Variants in ESRRG observed in about 807,000 individuals in gnomAD.
ESRRG encodes estrogen-related receptor gamma.
Under a neutral mutation model 44.0 loss-of-function variants are expected in ESRRG, and 13 were observed. The observed-to-expected ratio is 0.30, with a 90% CI of 0.19 to 0.47. The LOEUF is 0.47. ESRRG is among the 20% of genes least tolerant of loss of function. ESRRG has a pLI of 1.00. For synonymous variants in ESRRG, 215 were observed against 214.6 expected, an observed-to-expected ratio of 1.00 and a Z score of -0.02; for missense variants, 395 against 580.6, an observed-to-expected ratio of 0.68 and a Z score of 3.29.
intron 1 of ESRRG, among the ~76,000 whole-genome samples, chr1:216,968,760 C>A (rs2071005590): frequency 6.7e-6 from 1 of 148,394 alleles, no homozygotes; most frequent in South Asian, 2.3e-4. Flanking sequence ...CACAGACTAA[C>A]TTGCTGAAAT....
In ESRRG at chr1:216,685,573, A is replaced by T. The variant is rs943993774; in HGVS notation, c.57-8082T>A. On this transcript the variant is annotated intron_variant, in intron 1 of 6. Coordinates refer to ENST00000408911, the MANE Select transcript of ESRRG (RefSeq NM_001438.4). The stretch of plus-strand genomic sequence containing the variant: ...CGCACTAGAGAAGAAATAAACAGAC[A>T]TTCAACTCATAGAAAGTCTATGCAC... 1.1e-4 allele frequency among the ~76,000 whole-genome samples: 16 copies of T among 152,214 alleles called. 1 individual carries two copies. The highest frequency in any genetic ancestry group is 3.9e-4 in the African/African-American group (16 of 41,476).
intron 2 of ESRRG, among the ~76,000 whole-genome samples, chr1:216,913,294 T>G (rs1225578196): frequency 1.3e-5 from 2 of 151,634 alleles, no homozygotes; most frequent in Non-Finnish European, 2.9e-5. Context: ...AGAGACGATT[T>G]AAAGTATATG....
intron 3 of ESRRG, among the ~76,000 whole-genome samples, chr1:216,581,984 C>A (rs1052968691): frequency 6.6e-6 from 1 of 152,204 alleles, no homozygotes; most frequent in African/African-American, 2.4e-5. Context: ...TCAAGTTTGA[C>A]AATTGGCTGG....
chr1:216,951,466 T>C (rs1221915599), intron 1 of ESRRG, among the ~76,000 whole-genome samples: 1 of 152,198 alleles, frequency 6.6e-6, no homozygotes, highest in Admixed American at 6.5e-5. Context: ...AAAACTTTCA[T>C]ACTTTTTTTA....
At chr1:217,021,237 G>C (rs1159012234) in intron 1 of ESRRG, among the ~76,000 whole-genome samples, 2 of 152,176 alleles carry the variant, frequency 1.3e-5, no homozygotes, top group Admixed American at 1.3e-4. Context: ...TTGCCCAGTA[G>C]AGTGGATGGT....
chr1:217,117,497 A>G (rs143981253), intron 1 of ESRRG, among the ~76,000 whole-genome samples: 17 of 152,230 alleles, frequency 1.1e-4, no homozygotes, highest in African/African-American at 4.1e-4. Context: ...AGATGGATTG[A>G]TCACTTGAGC....
At chr1:216,955,272 T>C (rs2576200) in intron 1 of ESRRG, among the ~76,000 whole-genome samples, 116,727 of 152,030 alleles carry the variant, frequency 0.77, 45,231 homozygotes, top group Middle Eastern at 0.89. Flanking sequence ...TAATCTCCCA[T>C]GTGTAAGAAC....
At chr1:217,067,555 T>C (rs1468555181) in intron 1 of ESRRG, among the ~76,000 whole-genome samples, 1 of 152,204 alleles carries the variant, frequency 6.6e-6, no homozygotes, top group Non-Finnish European at 1.5e-5. Context: ...GCCAGTAACA[T>C]ACAGTATTTT....
chr1:216,559,958 C>A (rs1028864022), intron 5 of ESRRG, among the ~76,000 whole-genome samples: 4 of 152,012 alleles, frequency 2.6e-5, no homozygotes, highest in African/African-American at 9.7e-5. Flanking sequence ...CCTTTCATTG[C>A]TAGAAAAGTC....
intron 2 of ESRRG, among the ~76,000 whole-genome samples, chr1:216,935,528 C>T (rs2063989007): frequency 6.6e-6 from 1 of 152,054 alleles, no homozygotes; most frequent in Admixed American, 6.5e-5. Context: ...GTTTCCAAGC[C>T]CTTTCCAGGT....
At chr1:217,062,488 C>T (rs2088760292) in intron 1 of ESRRG, among the ~76,000 whole-genome samples, 1 of 152,166 alleles carries the variant, frequency 6.6e-6, no homozygotes, top group African/African-American at 2.4e-5. Context: ...TTTGAGATCA[C>T]AGCACTTCTA....
At chr1:216,802,110 C>G (rs1284019407) in intron 2 of ESRRG, among the ~76,000 whole-genome samples, 1 of 152,090 alleles carries the variant, frequency 6.6e-6, no homozygotes, top group Non-Finnish European at 1.5e-5. Flanking sequence ...CCCCAAAGAG[C>G]AAACCATCCA....
chr1:216,797,094 G>A (rs1471764452), intron 2 of ESRRG, among the ~76,000 whole-genome samples: 1 of 152,006 alleles, frequency 6.6e-6, no homozygotes, highest in Admixed American at 6.6e-5. Context: ...GTTTCACCAT[G>A]TTGGTCAGCC....
Position 216,991,617 on chromosome 1 carries a change from AGGATGGGATGGGATGGGATGGGATG to A in ESRRG, c.-105-51969_-105-51945del, listed in dbSNP as rs59213834. 8.1e-3 allele frequency among the ~76,000 whole-genome samples: 485 copies of A among 59,754 alleles called. 5 individuals carry two copies. The highest frequency in any genetic ancestry group is 0.026 in the South Asian group (33 of 1,274). 39.2% of individuals were successfully genotyped at this position (59,754 alleles called of 152,430 possible). Reference sequence around the variant, plus strand: ...GGGATAGCATGGGATGGGATGGGATAGGATGGGATGGGATGGGATGGGATGGGATGGGATGGGATGGGATGGGATG... The same window carrying A: ...GGGATAGCATGGGATGGGATGGGATAGGATGGGATGGGATGGGATGGGATG... On this transcript the variant is annotated intron_variant, in intron 1 of 7. Transcript: ENST00000359162.
intron 1 of ESRRG, among the ~76,000 whole-genome samples, chr1:216,968,459 T>G (rs1364598597): frequency 2.6e-5 from 4 of 152,142 alleles, no homozygotes. Flanking sequence ...CATGTGGATA[T>G]CCAGTTGTTC....
At chr1:216,839,909 T>C (rs1200327209) in intron 2 of ESRRG, among the ~76,000 whole-genome samples, 1 of 152,230 alleles carries the variant, frequency 6.6e-6, no homozygotes, top group Non-Finnish European at 1.5e-5. Flanking sequence ...TGTTGTTCCA[T>C]TGATAGAGCA....
rs1559602530 is a variant in ESRRG at position 216,779,205 on chromosome 1, A to ATATAAATATATATTTATATT, written c.-13-101734_-13-101715dup. On this transcript the variant is annotated intron_variant, in intron 2 of 7. Transcript: ENST00000359162. ...TATAAATATATATTTATATTTATAAATATAAATATATATTTATATTTATAA... is the reference window on the plus strand; with the variant it reads ...TATAAATATATATTTATATTTATAAATATAAATATATATTTATATTTATAAATATATATTTATATTTATAA... Among the ~76,000 whole-genome samples the ATATAAATATATATTTATATT allele has an allele frequency of 1.8e-3, 107 of 58,038 alleles. 4 individuals carry two copies. The highest frequency in any genetic ancestry group is 8.3e-3 in the African/African-American group (103 of 12,350). 38.1% of individuals were successfully genotyped at this position (58,038 alleles called of 152,430 possible).
chr1:216,519,060 A>T, intron 6 of ESRRG, 92 bp downstream of exon 6: 1 of 1,174,750 alleles, frequency 8.5e-7, no homozygotes, highest in Non-Finnish European at 1.2e-6. Context: ...AAATTTACAA[A>T]CCAGGTCTAG....
At chr1:216,552,313 G>A (rs1002713699) in intron 5 of ESRRG, among the ~76,000 whole-genome samples, 1 of 152,074 alleles carries the variant, frequency 6.6e-6, no homozygotes, top group Non-Finnish European at 1.5e-5. Flanking sequence ...CTGAAAAACT[G>A]TTAGTGATAA....
Sources: gnomAD v4.1 joint callset for allele counts (sites outside exome capture counted in the v4.1 genomes callset) on GRCh38, gnomAD v4.1.1 for gene constraint, MANE v1.5 for transcripts, NCBI Gene and HGNC (gene_info 2026-07-23, HGNC 2026-07-21) for gene names.